The following HTR3E variants were observed in gnomAD, a reference collection of about 807,000 sequenced individuals.
The protein encoded by HTR3E is 5-hydroxytryptamine (serotonin) receptor 3, family member E.
Under a neutral mutation model 38.0 loss-of-function variants are expected in HTR3E, and 38 were observed. The ratio of observed to expected loss-of-function variants is 1.00; its 90% CI spans 0.77 to 1.31. The LOEUF is 1.31. HTR3E is among the 50% of genes most tolerant of loss of function. The probability of loss-of-function intolerance (pLI) is 0.00; values close to 1 mark genes in which losing one functional copy is unlikely to be tolerated. For missense variants in HTR3E, 547 were observed against 585.2 expected (o/e 0.93, Z 0.67); for synonymous variants, 210 against 232.9 (o/e 0.90, Z 0.89).
chr3:184,106,669 C>G lies in HTR3E; in HGVS notation c.1347C>G (p.Thr449=). The change falls in exon 9 of 9, where the codon ACC becomes ACG. Residue 449 remains threonine (T), a synonymous_variant. Coordinates refer to ENST00000415389, the MANE Select transcript of HTR3E (RefSeq NM_001256613.2). This position sits in a 1 kb window ranked among gnomAD's most constrained non-coding sequence, Gnocchi z 4.1. ...TCTTCATGGCCTCCTCTATCATCAC[C>G]GTCATATGCCTCTGGAACACCTAGG... ...YLLFMASSII[T]VICLWNT 1 of 1,614,140 alleles carries G rather than the reference C, an allele frequency of 6.2e-7. No homozygotes were observed. Among genetic ancestry groups the G allele is most frequent in the Non-Finnish European group, 8.5e-7 (1 of 1,180,000 alleles).
rs767836103 is a variant in HTR3E at position 184,099,739 on chromosome 3, A to AAAAAAAAAC, written c.68-745_68-744insAAAAAAACA. ...CCGTCTCAAAAAAAAAAAAAAAAAA[A>AAAAAAAAAC]AGAAAGAAATATGCACAATTATTAT... On this transcript the variant is annotated intron_variant, in intron 1 of 8. Transcript: ENST00000415389. Among the ~76,000 whole-genome samples the AAAAAAAAAC allele has an allele frequency of 3.1e-4, 35 of 113,094 alleles. 1 individual carries two copies. Among genetic ancestry groups the AAAAAAAAAC allele is most frequent in the Non-Finnish European group, 3.6e-4 (21 of 57,760 alleles). The allele number at this position is 113,094 out of a possible 152,430, so 74.2% of individuals were successfully genotyped here. A position where few individuals can be genotyped will look rare whatever the true frequency, so the allele number is the denominator to read the frequency against.
chr3:184,101,641 G>A, intron 3 of HTR3E, 112 bp downstream of exon 3: 1 of 907,618 alleles, frequency 1.1e-6, no homozygotes, highest in African/African-American at 1.7e-5. Context: ...AACACATGAA[G>A]GAGAAATTGA....
chr3:184,100,675 T>A, intron 2 of HTR3E, 24 bp downstream of exon 2: 1 of 1,603,964 alleles, frequency 6.2e-7, no homozygotes, highest in Non-Finnish European at 8.5e-7. Flanking sequence ...TCTCTAGCCC[T>A]CCTTGGTGTC....
At position 184,099,742 on chromosome 3, in the gene HTR3E, AAAG is replaced by A. The variant is rs1210336329; in HGVS notation, c.68-740_68-738del. On this transcript the variant is annotated intron_variant, in intron 1 of 8. Coordinates refer to ENST00000415389, the MANE Select transcript of HTR3E (RefSeq NM_001256613.2). ...TCTCAAAAAAAAAAAAAAAAAAAAG[AAAG>A]AAATATGCACAATTATTATATGTCC... 2.3e-5 allele frequency among the ~76,000 whole-genome samples: 3 copies of A among 131,472 alleles called. 1 individual carries two copies. Among genetic ancestry groups the A allele is most frequent in the African/African-American group, 1.3e-4 (3 of 23,592 alleles). The allele number at this position is 131,472 out of a possible 152,430, so 86.3% of individuals were successfully genotyped here.
chr3:184,100,473 T>C lies in HTR3E; in HGVS notation c.68-12T>C. ...GCTCTCCTTCATCTCACACATTCGATGTCCACTACAGGAAGGGGCGTTACT... is the reference window on the plus strand; with the variant it reads ...GCTCTCCTTCATCTCACACATTCGACGTCCACTACAGGAAGGGGCGTTACT... On this transcript the variant is annotated splice_polypyrimidine_tract_variant and intron_variant, in intron 1 of 8. Transcript: ENST00000415389. The C allele has an allele frequency of 6.2e-7, 1 of 1,614,156 alleles. No homozygotes were observed. The highest frequency in any genetic ancestry group is 1.1e-5 in the South Asian group (1 of 91,084).
intron 2 of HTR3E, 42 bp from the exon 3 acceptor site, chr3:184,101,443 T>A: frequency 6.3e-7 from 1 of 1,577,032 alleles, no homozygotes; most frequent in Non-Finnish European, 8.7e-7. Flanking sequence ...GGAACAGACT[T>A]CTTACTGGCA....
rs750874107 is a variant in HTR3E at position 184,104,347 on chromosome 3, C to G, written c.389+56C>G. 38 of 1,560,378 alleles carry G rather than the reference C, an allele frequency of 2.4e-5. No homozygotes were observed. The African/African-American group carries it at 4.7e-4, about 19-fold the overall frequency. ...CCCATCTCCTGGTAGCCACAGAGAT[C>G]ACAGTTTACCATTGGGGCCACTGTA... On this transcript the variant is annotated intron_variant, in intron 4 of 8. Coordinates refer to ENST00000415389, the MANE Select transcript of HTR3E (RefSeq NM_001256613.2).
chr3:184,106,163 GGCAGCCT>G lies in HTR3E; in HGVS notation c.964_970del (p.Ser322TrpfsTer59). 1 of 1,612,874 alleles carries G rather than the reference GGCAGCCT, an allele frequency of 6.2e-7. No individual in the cohort carries two copies. The stretch of plus-strand genomic sequence containing the variant: ...CGCCCTGTGCCTGTCCCTGATGGTG[GGCAGCCT>G]GCTGGAGACCATCTTCATCACCCAC... On this transcript the variant is annotated frameshift_variant, in exon 8 of 9. Transcript: ENST00000415389. LOFTEE classifies it high-confidence loss of function. This position sits in a 1 kb window ranked among gnomAD's most constrained non-coding sequence, Gnocchi z 4.1.
At chr3:184,104,013 C>A in intron 3 of HTR3E, 169 bp from the exon 4 acceptor site, 3 of 460,956 alleles carry the variant, frequency 6.5e-6, no homozygotes, top group East Asian at 3.7e-5. Flanking sequence ...GAAAAAAAAG[C>A]AAGTAAATTT....
intron 1 of HTR3E, among the ~76,000 whole-genome samples, chr3:184,098,155 C>G (rs1157971042): frequency 1.3e-5 from 2 of 152,200 alleles, no homozygotes; most frequent in Non-Finnish European, 2.9e-5. Context: ...GTAGAATGTG[C>G]TTCTCTTCCA....
At chr3:184,105,057 A>C in intron 5 of HTR3E, 101 bp downstream of exon 5, 1 of 1,260,526 alleles carries the variant, frequency 7.9e-7, no homozygotes, top group South Asian at 1.5e-5. Flanking sequence ...GGTGGGGAGA[A>C]GAATAAGGCT....
intron 1 of HTR3E, among the ~76,000 whole-genome samples, chr3:184,098,462 G>C (rs1711779570): frequency 6.6e-6 from 1 of 152,178 alleles, no homozygotes; most frequent in Non-Finnish European, 1.5e-5. Context: ...GACTGAACCA[G>C]AGGTGACTTT....
chr3:184,106,179 C>T lies in HTR3E; in HGVS notation c.977C>T (p.Thr326Ile), dbSNP rs747156614. ...LSLMVGSLLE[T>I]IFITHLLHVA... is the part of the protein sequence containing the mutation. ...CTGATGGTGGGCAGCCTGCTGGAGA[C>T]CATCTTCATCACCCACCTGCTGCAC... is the stretch of plus-strand genomic sequence containing the variant. The change falls in exon 8 of 9, where the codon ACC becomes ATC. Residue 326 changes from threonine to isoleucine, a missense_variant. By Grantham distance (89) the Thr-to-Ile change is moderately conservative. Coordinates refer to ENST00000415389, the MANE Select transcript of HTR3E (RefSeq NM_001256613.2). This position sits in a 1 kb window ranked among gnomAD's most constrained non-coding sequence, Gnocchi z 4.1. 9.3e-6 allele frequency: 15 copies of T among 1,612,786 alleles called. No individual in the cohort carries two copies. The East Asian group carries it at 2.7e-4, about 29-fold the overall frequency.
chr3:184,103,426 A>G (rs867842689), intron 3 of HTR3E, among the ~76,000 whole-genome samples: 1 of 152,036 alleles, frequency 6.6e-6, no homozygotes, highest in Non-Finnish European at 1.5e-5. Context: ...TCAGGAGATC[A>G]AGACCATCCT....
chr3:184,099,911 C>T lies in HTR3E; in HGVS notation c.68-574C>T, dbSNP rs138000872. Among the ~76,000 whole-genome samples the T allele has an allele frequency of 7.0e-3, 1,068 of 152,226 alleles. 10 individuals are homozygous for T. The highest frequency in any genetic ancestry group is 0.024 in the African/African-American group (977 of 41,526). On this transcript the variant is annotated intron_variant, in intron 1 of 8. Coordinates refer to ENST00000415389, the MANE Select transcript of HTR3E (RefSeq NM_001256613.2). ...TCTCCGGGGCCCCGGGACTGTAATC[C>T]TATCGGATGACTATCAACATTCCAG...
intron 3 of HTR3E, among the ~76,000 whole-genome samples, chr3:184,103,585 C>T (rs1336678238): frequency 2.0e-5 from 3 of 148,322 alleles, no homozygotes; most frequent in Admixed American, 6.9e-5. Context: ...GCCAAGATCG[C>T]GCCACTGCAC....
chr3:184,100,181 A>G (rs1362117137), intron 1 of HTR3E: 28 of 1,422,140 alleles, frequency 2.0e-5, no homozygotes, highest in Non-Finnish European at 2.6e-5. Context: ...TGGGTTCAGA[A>G]CAAGTCCGGC....
chr3:184,106,964 G>A lies in HTR3E; in HGVS notation c.*271G>A. 2 of 391,558 alleles carry A rather than the reference G, an allele frequency of 5.1e-6. No homozygotes were observed. The highest frequency in any genetic ancestry group is 9.1e-6 in the Non-Finnish European group (2 of 219,334). 24.3% of individuals were successfully genotyped at this position (391,558 alleles called of 1,614,324 possible). A position where few individuals can be genotyped will look rare whatever the true frequency, so the allele number is the denominator to read the frequency against. On this transcript the variant is annotated 3_prime_UTR_variant, in exon 9 of 9. Transcript: ENST00000415389. The surrounding 1 kb of genome is among the most constrained non-coding windows in gnomAD (Gnocchi z 4.1). ...ATAGCAGACTATACCTCTTCTGTCC[G>A]CTGACTTGCCCAATAAATAATTCTG...
At chr3:184,105,658 A>AT in intron 6 of HTR3E, 107 bp from the exon 7 acceptor site, 1 of 1,030,998 alleles carries the variant, frequency 9.7e-7, no homozygotes, top group Non-Finnish European at 1.5e-6. Context: ...TCCCAGGGTG[A>AT]TATCAGGCCA....
Sources: allele counts gnomAD v4.1 joint callset (sites outside exome capture counted in the v4.1 genomes callset), GRCh38; gene constraint gnomAD v4.1.1; non-coding constraint Gnocchi (gnomAD v3.1); transcripts MANE v1.5; gene names NCBI Gene and HGNC (gene_info 2026-07-23, HGNC 2026-07-21).